The following CAST variants were observed in gnomAD, a reference collection of about 807,000 sequenced individuals.
CAST encodes the protein MIR583 host.
CAST carries 76 observed loss-of-function variants against 119.6 expected under a neutral mutation model. The ratio of observed to expected loss-of-function variants is 0.64; its 90% CI spans 0.53 to 0.77. The LOEUF is 0.77. CAST is among the 30% of genes least tolerant of loss of function. The pLI is 0.00. For missense variants in CAST, 953 were observed against 946.5 expected (o/e 1.01, Z -0.09); for synonymous variants, 319 against 331.6 (o/e 0.96, Z 0.41).
intron 1 of CAST, among the ~76,000 whole-genome samples, chr5:96,608,836 A>T (rs1399335339): frequency 6.6e-6 from 1 of 152,156 alleles, no homozygotes; most frequent in Non-Finnish European, 1.5e-5. Context: ...CAGGCAGAAG[A>T]AAGAGCAGGA....
the CAST span, among the ~76,000 whole-genome samples, chr5:96,146,756 G>A: frequency 6.6e-6 from 1 of 152,092 alleles, no homozygotes; most frequent in Non-Finnish European, 1.5e-5. Context: ...GCTTAACACA[G>A]CAAAGTTTTC....
chr5:96,366,812 C>A, the CAST span, among the ~76,000 whole-genome samples: 1 of 152,180 alleles, frequency 6.6e-6, no homozygotes, highest in Non-Finnish European at 1.5e-5. Flanking sequence ...TCATCTGAAG[C>A]CTTCTTCTCT....
the CAST span, among the ~76,000 whole-genome samples, chr5:96,299,460 TCA>T: frequency 1.3e-5 from 2 of 152,154 alleles, no homozygotes; most frequent in Non-Finnish European, 2.9e-5. Context: ...GGGGAGCAAA[TCA>T]CAGTGTTAGA....
At chr5:96,375,713 T>C in the CAST span, among the ~76,000 whole-genome samples, 3 of 151,636 alleles carry the variant, frequency 2.0e-5, no homozygotes, top group Non-Finnish European at 4.4e-5. Flanking sequence ...GGGTTGGCCT[T>C]ACCCAAGCAG....
intron 9 of CAST, among the ~76,000 whole-genome samples, chr5:96,735,911 A>G (rs989101129): frequency 6.6e-6 from 1 of 152,348 alleles, no homozygotes; most frequent in Non-Finnish European, 1.5e-5. Context: ...CTTGGATTCA[A>G]ATCTTCATTC....
the CAST span, among the ~76,000 whole-genome samples, chr5:96,130,126 T>C: frequency 1.5e-4 from 23 of 149,426 alleles, no homozygotes; most frequent in Admixed American, 1.4e-3. Context: ...TAACTTACAA[T>C]GGAGAAACAT....
In CAST at chr5:96,561,797, T is replaced by G. The variant is rs199747288; in HGVS notation, c.60+31917T>G. Among the ~76,000 whole-genome samples, 26 of 76,646 alleles carry G rather than the reference T, an allele frequency of 3.4e-4. 4 individuals carry two copies. Among genetic ancestry groups the G allele is most frequent in the Admixed American group, 2.4e-3 (15 of 6,372 alleles). 50.3% of individuals were successfully genotyped at this position (76,646 alleles called of 152,430 possible). A position where few individuals can be genotyped will look rare whatever the true frequency, so the allele number is the denominator to read the frequency against. ...TGTATTATATATATGTTTTTTTTTG[T>G]TTTTTTTTTTTTTGAGACGGAGTCT... On this transcript the variant is annotated intron_variant, in intron 1 of 11. Coordinates refer to the CAST transcript ENST00000505143.
chr5:96,432,136 C>A, the CAST span: 1 of 1,535,562 alleles, frequency 6.5e-7, no homozygotes, highest in South Asian at 1.2e-5. Flanking sequence ...AGTTCGGCAT[C>A]TCGACCCTGC....
chr5:96,618,935 G>A (rs1194873015), intron 1 of CAST, among the ~76,000 whole-genome samples: 1 of 152,264 alleles, frequency 6.6e-6, no homozygotes, highest in Admixed American at 6.5e-5. Context: ...TGAGTCGAGT[G>A]GGGACTTGGA....
the CAST span, among the ~76,000 whole-genome samples, chr5:96,155,134 A>G: frequency 1.3e-5 from 2 of 152,198 alleles, no homozygotes; most frequent in African/African-American, 4.8e-5. Context: ...GTTGTGAATA[A>G]GGGATTATGG....
intron 2 of CAST, among the ~76,000 whole-genome samples, chr5:96,690,063 G>C (rs1314609332): frequency 6.6e-6 from 1 of 152,090 alleles, no homozygotes; most frequent in Admixed American, 6.5e-5. Context: ...GGACTAAAAA[G>C]ACTTGAGCTG....
chr5:96,317,846 C>T, the CAST span, among the ~76,000 whole-genome samples: 1 of 152,106 alleles, frequency 6.6e-6, no homozygotes, highest in South Asian at 2.1e-4. Flanking sequence ...GGTTTGGTAA[C>T]ATCTGCACCC....
At chr5:96,423,483 A>G in the CAST span, 4 of 1,612,526 alleles carry the variant, frequency 2.5e-6, no homozygotes, top group Admixed American at 1.7e-5. Context: ...ACAACGAAGC[A>G]TTGATAAAAT....
At chr5:96,374,648 T>C in the CAST span, among the ~76,000 whole-genome samples, 1 of 152,196 alleles carries the variant, frequency 6.6e-6, no homozygotes, top group Non-Finnish European at 1.5e-5. Context: ...TTTTGAGTCC[T>C]GTCTCATCAA....
chr5:96,564,933 A>G (rs540750310), intron 1 of CAST, among the ~76,000 whole-genome samples: 1 of 152,344 alleles, frequency 6.6e-6, no homozygotes, highest in East Asian at 1.9e-4. Flanking sequence ...TATTCTGCGA[A>G]GTATCTATGA....
chr5:96,628,898 G>A (rs1747771801), intron 1 of CAST, among the ~76,000 whole-genome samples: 1 of 152,174 alleles, frequency 6.6e-6, no homozygotes, highest in African/African-American at 2.4e-5. Flanking sequence ...CATTTTGCAG[G>A]ATGTGTGGCA....
At chr5:96,165,176 G>A in the CAST span, among the ~76,000 whole-genome samples, 2 of 150,414 alleles carry the variant, frequency 1.3e-5, no homozygotes, top group Non-Finnish European at 3.0e-5. Flanking sequence ...AGATTCCTTA[G>A]TCTTTTTTTT....
intron 2 of CAST, among the ~76,000 whole-genome samples, chr5:96,687,162 C>T (rs995963132): frequency 6.6e-6 from 1 of 152,084 alleles, no homozygotes; most frequent in Non-Finnish European, 1.5e-5. Context: ...TTAAGGCCAG[C>T]GGGTGATCAG....
rs200430222 is a variant in CAST, at chr5:96,665,743, T to C, written c.75+3246T>C. On this transcript the variant is annotated intron_variant, in intron 1 of 31. Transcript: ENST00000675179. The stretch of plus-strand genomic sequence containing the variant: ...AGTTTATAACACACACACACACACA[T>C]ACACACACACACACACATATACATA... 1.6e-4 allele frequency among the ~76,000 whole-genome samples: 21 copies of C among 130,128 alleles called. 1 individual carries two copies. The highest frequency in any genetic ancestry group is 3.9e-4 in the African/African-American group (14 of 36,152). 85.4% of individuals were successfully genotyped at this position (130,128 alleles called of 152,430 possible).
Sources: allele counts gnomAD v4.1 joint callset (sites outside exome capture counted in the v4.1 genomes callset), GRCh38; gene constraint gnomAD v4.1.1; transcripts MANE v1.5; gene names NCBI Gene and HGNC (gene_info 2026-07-23, HGNC 2026-07-21).